The following ECHDC3 variants were observed in gnomAD, a reference collection of about 807,000 sequenced individuals.
ECHDC3 encodes enoyl-CoA hydratase domain containing 3, also known as enoyl-CoA hydratase domain-containing protein 3, mitochondrial.
In ECHDC3, 20 loss-of-function variants were observed where a neutral mutation model predicts 17.9. The observed-to-expected ratio is 1.12, with a 90% CI of 0.79 to 1.63. The LOEUF (loss-of-function observed/expected upper bound fraction) is 1.63, where lower values mean the gene tolerates loss of function less well. ECHDC3 is among the 40% of genes most tolerant of loss of function. The probability of loss-of-function intolerance (pLI) is 0.00; values close to 1 mark genes in which losing one functional copy is unlikely to be tolerated. For missense variants in ECHDC3, 407 were observed against 357.7 expected (o/e 1.14, Z -1.11); for synonymous variants, 177 against 149.7 (o/e 1.18, Z -1.33).
intron 1 of ECHDC3, chr10:11,742,974 C>A: frequency 2.6e-6 from 1 of 385,800 alleles, no homozygotes; most frequent in South Asian, 1.2e-4. Context: ...TGCGGGGTCA[C>A]TGGGCCTCCA....
chr10:11,754,100 G>A (rs950420510), intron 3 of ECHDC3, among the ~76,000 whole-genome samples: 2 of 152,178 alleles, frequency 1.3e-5, no homozygotes, highest in South Asian at 2.1e-4. Context: ...GCGTTTATCA[G>A]GTTCTCAAAA....
intron 1 of ECHDC3, 182 bp downstream of exon 1, chr10:11,742,928 G>A: frequency 3.3e-6 from 2 of 608,242 alleles, no homozygotes; most frequent in Non-Finnish European, 4.7e-6. Context: ...GGCCGTCGGT[G>A]GGACTGCCCG....
At chr10:11,760,001 A>G (rs1461302801) in intron 4 of ECHDC3, among the ~76,000 whole-genome samples, 4 of 152,230 alleles carry the variant, frequency 2.6e-5, no homozygotes, top group African/African-American at 4.8e-5. Context: ...ACTCAGGTAC[A>G]TCTGGCTCAG....
chr10:11,747,523 T>A (rs1832775978), intron 2 of ECHDC3, 53 bp downstream of exon 2: 2 of 1,593,088 alleles, frequency 1.3e-6, no homozygotes, highest in Non-Finnish European at 1.7e-6. Flanking sequence ...AAGAGCTTTC[T>A]GAGTCTTTAG....
chr10:11,761,660 A>G (rs10795889), intron 4 of ECHDC3, among the ~76,000 whole-genome samples: 100,534 of 151,724 alleles, frequency 0.66, 33,829 homozygotes, highest in Non-Finnish European at 0.71. Context: ...CCACAAGGGT[A>G]GTTGGCGGCA....
chr10:11,763,612 C>T lies in ECHDC3; in HGVS notation c.*68C>T. The T allele has an allele frequency of 7.0e-7, 1 of 1,438,060 alleles. No homozygotes were observed. Among genetic ancestry groups the T allele is most frequent in the Non-Finnish European group, 9.1e-7 (1 of 1,099,322 alleles). The allele number at this position is 1,438,060 out of a possible 1,614,324, so 89.1% of individuals were successfully genotyped here. On this transcript the variant is annotated 3_prime_UTR_variant, in exon 5 of 5. Coordinates refer to ENST00000379215, the MANE Select transcript of ECHDC3 (RefSeq NM_024693.5). This position sits in a 1 kb window ranked among gnomAD's most constrained non-coding sequence, Gnocchi z 4.9. ...CCACCTTCCCCTCTGGCCCAGCCACCACTGCCTCTCAGCTTCAACAGGTGA... is the reference window on the plus strand; with the variant it reads ...CCACCTTCCCCTCTGGCCCAGCCACTACTGCCTCTCAGCTTCAACAGGTGA...
chr10:11,758,074 TA>T (rs907107763), intron 4 of ECHDC3, among the ~76,000 whole-genome samples: 12 of 152,128 alleles, frequency 7.9e-5, no homozygotes, highest in African/African-American at 2.9e-4. Flanking sequence ...TCACACTGGA[TA>T]AGACAACATG....
intron 2 of ECHDC3, among the ~76,000 whole-genome samples, chr10:11,747,870 G>A (rs1832779224): frequency 6.6e-6 from 1 of 152,186 alleles, no homozygotes; most frequent in Non-Finnish European, 1.5e-5. Flanking sequence ...TATCTGCAGT[G>A]CCTTTAATGG....
In ECHDC3 at chr10:11,763,374, G is replaced by C; in HGVS notation, c.742G>C (p.Val248Leu). ...RKIASLSRPV[V>L]SLGKATFYKQ... is the part of the protein sequence containing the mutation. Reference sequence around the variant, plus strand: ...GATCGCATCGCTGAGCCGTCCGGTGGTGTCCCTGGGCAAAGCCACCTTCTA... The same window carrying C: ...GATCGCATCGCTGAGCCGTCCGGTGCTGTCCCTGGGCAAAGCCACCTTCTA... The change falls in exon 5 of 5, where the codon GTG (valine) becomes CTG (leucine). Residue 248 changes from valine to leucine, a missense_variant. Transcript: ENST00000379215. This position sits in a 1 kb window ranked among gnomAD's most constrained non-coding sequence, Gnocchi z 4.9. 1.3e-6 allele frequency: 1 copy of C among 779,496 alleles called. No individual in the cohort carries two copies. Among genetic ancestry groups the C allele is most frequent in the South Asian group, 1.3e-5 (1 of 74,648 alleles). The allele number at this position is 779,496 out of a possible 1,614,324, so 48.3% of individuals were successfully genotyped here. A position where few individuals can be genotyped will look rare whatever the true frequency, so the allele number is the denominator to read the frequency against.
At chr10:11,758,304 C>T (rs771313285) in intron 4 of ECHDC3, among the ~76,000 whole-genome samples, 7 of 152,236 alleles carry the variant, frequency 4.6e-5, no homozygotes, top group Admixed American at 2.6e-4. Context: ...CGCAGCTGCT[C>T]CGTTCCCAGG....
intron 3 of ECHDC3, among the ~76,000 whole-genome samples, chr10:11,754,496 T>C (rs955353685): frequency 6.6e-6 from 1 of 152,236 alleles, no homozygotes; most frequent in African/African-American, 2.4e-5. Context: ...TTAGGAATTT[T>C]GTTTACTTTG....
At chr10:11,743,296 G>A (rs1489700590) in intron 1 of ECHDC3, among the ~76,000 whole-genome samples, 3 of 152,214 alleles carry the variant, frequency 2.0e-5, no homozygotes, top group African/African-American at 7.2e-5. Flanking sequence ...GCAAAGGGAG[G>A]CCTGCGTACC....
intron 1 of ECHDC3, among the ~76,000 whole-genome samples, chr10:11,745,963 T>G (rs996854060): frequency 6.6e-6 from 1 of 152,196 alleles, no homozygotes; most frequent in Non-Finnish European, 1.5e-5. Flanking sequence ...TGGCTTGTAC[T>G]TTTTTCCTTC....
chr10:11,755,983 C>G (rs1832883122), intron 4 of ECHDC3, among the ~76,000 whole-genome samples: 1 of 152,142 alleles, frequency 6.6e-6, no homozygotes, highest in South Asian at 2.1e-4. Context: ...GAATGGTTGC[C>G]CATGAGATAG....
chr10:11,746,043 C>T lies in ECHDC3; in HGVS notation c.171-1306C>T, dbSNP rs117582496. ...TACAGGATGCCACTGTAAGAAAAGA[C>T]GGGCCTAGGTGCAGTAGCTCACGTC... On this transcript the variant is annotated intron_variant, in intron 1 of 4. Coordinates refer to ENST00000379215, the MANE Select transcript of ECHDC3 (RefSeq NM_024693.5). Among the ~76,000 whole-genome samples, 541 of 152,202 alleles carry T rather than the reference C, an allele frequency of 3.6e-3. 3 individuals are homozygous for T. Among genetic ancestry groups the T allele is most frequent in the African/African-American group, 0.011 (456 of 41,550 alleles).
rs72781916 is a variant in ECHDC3, at chr10:11,763,205, A to C, written c.592-19A>C. The C allele has an allele frequency of 0.2, 153,751 of 755,114 alleles. 17,193 individuals carry two copies. The highest frequency in any genetic ancestry group is 0.23 in the Non-Finnish European group (94,930 of 406,250). The allele number at this position is 755,114 out of a possible 1,614,324, so 46.8% of individuals were successfully genotyped here. A position where few individuals can be genotyped will look rare whatever the true frequency, so the allele number is the denominator to read the frequency against. On this transcript the variant is annotated intron_variant, in intron 4 of 4. Coordinates refer to ENST00000379215, the MANE Select transcript of ECHDC3 (RefSeq NM_024693.5). The surrounding 1 kb of genome is among the most constrained non-coding windows in gnomAD (Gnocchi z 4.9). ...GGTCACAGGAGAGCACCTCAGTGAC[A>C]TCCCGTGTCTCCCCGTAGGTGGCCT...
intron 3 of ECHDC3, among the ~76,000 whole-genome samples, chr10:11,754,462 CCT>C (rs916327097): frequency 3.3e-5 from 5 of 152,104 alleles, no homozygotes; most frequent in Non-Finnish European, 7.4e-5. Flanking sequence ...TTTTGTCTCT[CCT>C]CTCTGTGCCA....
chr10:11,749,464 G>A, intron 2 of ECHDC3, 31 bp from the exon 3 acceptor site: 1 of 1,611,108 alleles, frequency 6.2e-7, no homozygotes, highest in Non-Finnish European at 8.5e-7. Context: ...ACATCTTTTT[G>A]TTTTCTTTTC....
chr10:11,749,029 C>T (rs749745415), intron 2 of ECHDC3, among the ~76,000 whole-genome samples: 10 of 152,158 alleles, frequency 6.6e-5, no homozygotes, highest in Admixed American at 2.0e-4. Context: ...AGAAGGCTTC[C>T]GAGGTCTCTT....
Sources: allele counts gnomAD v4.1 joint callset (sites outside exome capture counted in the v4.1 genomes callset), GRCh38; gene constraint gnomAD v4.1.1; non-coding constraint Gnocchi (gnomAD v3.1); transcripts MANE v1.5; gene names NCBI Gene and HGNC (gene_info 2026-07-23, HGNC 2026-07-21).